ATP9B: variants seen among roughly 807,000 people sequenced by gnomAD.
The protein encoded by ATP9B is probable phospholipid-transporting ATPase IIB.
In ATP9B, 110 loss-of-function variants were observed where a neutral mutation model predicts 146.1. The observed-to-expected ratio is 0.75, with a 90% CI of 0.65 to 0.88. The LOEUF (loss-of-function observed/expected upper bound fraction) is 0.88. ATP9B is among the 40% of genes least tolerant of loss of function. The pLI, the probability that ATP9B is intolerant of heterozygous loss-of-function variation, is 0.00. For missense variants in ATP9B, 1,499 were observed against 1,496.4 expected (o/e 1.00, Z -0.03); for synonymous variants, 604 against 569.7 (o/e 1.06, Z -0.86).
At chr18:79,347,745 A>G (rs774941960) in intron 23 of ATP9B, 25 bp from the exon 24 acceptor site, 1 of 1,506,178 alleles carries the variant, frequency 6.6e-7, no homozygotes, top group Non-Finnish European at 8.9e-7. Context: ...CATGTTTGAA[A>G]AGGCCCCGTG....
chr18:79,332,231 C>G (rs1421277070), intron 17 of ATP9B, among the ~76,000 whole-genome samples: 1 of 152,110 alleles, frequency 6.6e-6, no homozygotes, highest in African/African-American at 2.4e-5. Flanking sequence ...AGATTGAGAC[C>G]CTCCTGGCTA....
chr18:79,113,197 T>A (rs777242186), intron 3 of ATP9B, 44 bp from the exon 4 acceptor site: 10 of 1,123,790 alleles, frequency 8.9e-6, no homozygotes, highest in South Asian at 2.7e-5. Flanking sequence ...TATTAAAATT[T>A]TTTCCTTGAA....
intron 15 of ATP9B, among the ~76,000 whole-genome samples, chr18:79,307,657 T>C (rs1477564437): frequency 8.5e-5 from 13 of 152,244 alleles, no homozygotes. Flanking sequence ...TTGCCAGATT[T>C]TCAATACAGG....
At chr18:79,227,285 T>A (rs1385838874) in intron 11 of ATP9B, among the ~76,000 whole-genome samples, 1 of 152,000 alleles carries the variant, frequency 6.6e-6, no homozygotes, top group Non-Finnish European at 1.5e-5. Flanking sequence ...AAAAATGCTG[T>A]TTAGAAGTCA....
chr18:79,266,416 CT>C (rs34814139), intron 12 of ATP9B, among the ~76,000 whole-genome samples: 1 of 151,270 alleles, frequency 6.6e-6, no homozygotes. Flanking sequence ...ATAATAACAG[CT>C]TTTTTTTGTT....
At chr18:79,345,888 A>T (rs748408782) in intron 23 of ATP9B, 49 bp downstream of exon 23, 1 of 1,599,384 alleles carries the variant, frequency 6.3e-7, no homozygotes, top group Non-Finnish European at 8.6e-7. Flanking sequence ...AGCACACATC[A>T]ACACGACTCA....
chr18:79,153,685 C>G (rs2094726422), intron 6 of ATP9B, among the ~76,000 whole-genome samples: 1 of 149,734 alleles, frequency 6.7e-6, no homozygotes, highest in Non-Finnish European at 1.5e-5. Context: ...GGGTCTCCCT[C>G]TGCTTGCCAG....
At chr18:79,327,963 C>T (rs79666676) in intron 15 of ATP9B, among the ~76,000 whole-genome samples, 665 of 51,546 alleles carry the variant, frequency 0.013, 11 homozygotes, top group Middle Eastern at 0.038. Flanking sequence ...GCGTGCTCTC[C>T]GTGGTTAGCG....
chr18:79,174,318 T>G (rs2095126771), intron 7 of ATP9B: 1 of 180,674 alleles, frequency 5.5e-6, no homozygotes, highest in Non-Finnish European at 1.2e-5. Flanking sequence ...TTCATCCGTA[T>G]GTCTCATTTG....
chr18:79,208,326 A>G (rs1038222781), intron 10 of ATP9B, among the ~76,000 whole-genome samples: 1 of 152,254 alleles, frequency 6.6e-6, no homozygotes, highest in Non-Finnish European at 1.5e-5. Flanking sequence ...GGATTTAAAG[A>G]ATATGCAGAT....
At chr18:79,171,938 G>C (rs2095079627) in intron 7 of ATP9B, among the ~76,000 whole-genome samples, 1 of 151,714 alleles carries the variant, frequency 6.6e-6, no homozygotes, top group Non-Finnish European at 1.5e-5. Context: ...ACCCAGGCTG[G>C]AGTGCTATGG....
At chr18:79,334,324 T>G in intron 17 of ATP9B, among the ~76,000 whole-genome samples, 1 of 151,864 alleles carries the variant, frequency 6.6e-6, no homozygotes, top group East Asian at 1.9e-4. Flanking sequence ...GCCACTGCAC[T>G]CCAGCCTGGG....
chr18:79,346,220 G>C (rs1159196986), intron 23 of ATP9B, among the ~76,000 whole-genome samples: 1 of 144,986 alleles, frequency 6.9e-6, no homozygotes, highest in Non-Finnish European at 1.5e-5. Context: ...CTCGGTCAGC[G>C]CACGTCAGCA....
At chr18:79,264,469 G>T (rs2096180002) in intron 12 of ATP9B, among the ~76,000 whole-genome samples, 1 of 151,796 alleles carries the variant, frequency 6.6e-6, no homozygotes. Flanking sequence ...TCTGTAGTTT[G>T]ACTTTTTACT....
intron 7 of ATP9B, among the ~76,000 whole-genome samples, chr18:79,172,256 T>TG (rs1440385219): frequency 0.018 from 1,507 of 81,980 alleles, 10 homozygotes; most frequent in Non-Finnish European, 0.027. Flanking sequence ...ATTACAGGCG[T>TG]AGCCACCGTG....
chr18:79,218,532 T>C (rs986249075), intron 11 of ATP9B, among the ~76,000 whole-genome samples: 10 of 152,136 alleles, frequency 6.6e-5, no homozygotes, highest in Non-Finnish European at 1.3e-4. Flanking sequence ...TGTCGTATTT[T>C]CCTTGTGTTC....
intron 12 of ATP9B, among the ~76,000 whole-genome samples, chr18:79,259,139 C>T (rs559153721): frequency 1.4e-4 from 22 of 152,276 alleles, no homozygotes; most frequent in African/African-American, 5.3e-4. Context: ...TTTTGAGCTA[C>T]TTGATACAAT....
chr18:79,170,359 T>A (rs2095051829), intron 7 of ATP9B, among the ~76,000 whole-genome samples: 1 of 152,220 alleles, frequency 6.6e-6, no homozygotes, highest in African/African-American at 2.4e-5. Context: ...GAGATGAGTC[T>A]CCTCCTCTGT....
intron 7 of ATP9B, among the ~76,000 whole-genome samples, chr18:79,172,801 TG>T (rs1303001956): frequency 1.3e-5 from 2 of 152,266 alleles, no homozygotes; most frequent in African/African-American, 4.8e-5. Flanking sequence ...TGAAGTTTTT[TG>T]TTGTTTACAG....
Sources: gnomAD v4.1 joint callset for allele counts (sites outside exome capture counted in the v4.1 genomes callset) on GRCh38, gnomAD v4.1.1 for gene constraint, MANE v1.5 for transcripts, NCBI Gene and HGNC (gene_info 2026-07-23, HGNC 2026-07-21) for gene names.